CAPN14: variants seen among roughly 807,000 people sequenced by gnomAD.
The protein encoded by CAPN14 is calpain-14.
Under a neutral mutation model 101.3 loss-of-function variants are expected in CAPN14, and 94 were observed. The ratio of observed to expected loss-of-function variants is 0.93; its 90% CI spans 0.79 to 1.10. The LOEUF is 1.10. Ranked by LOEUF, CAPN14 falls within the 50% of genes least tolerant of loss-of-function variation. The pLI, the probability that CAPN14 is intolerant of heterozygous loss-of-function variation, is 0.00. For synonymous variants in CAPN14, 338 were observed against 317.9 expected (o/e 1.06, Z -0.67); for missense variants, 837 against 828.4 (o/e 1.01, Z -0.13).
intron 15 of CAPN14, among the ~76,000 whole-genome samples, chr2:31,187,069 A>T (rs1329211963): frequency 6.6e-6 from 1 of 152,188 alleles, no homozygotes; most frequent in Non-Finnish European, 1.5e-5. Context: ...GTAAATTGTG[A>T]CTTTAAATCA....
At chr2:31,218,583 T>C (rs1458946148), upstream of CAPN14, among the ~76,000 whole-genome samples, 1 of 152,234 alleles carries the variant, frequency 6.6e-6, no homozygotes, top group Non-Finnish European at 1.5e-5. Context: ...TGAGCACTTA[T>C]GACATGCCAA....
intron 2 of CAPN14, among the ~76,000 whole-genome samples, chr2:31,225,485 T>C (rs1250570701): frequency 6.6e-6 from 1 of 152,060 alleles, no homozygotes; most frequent in Non-Finnish European, 1.5e-5. Flanking sequence ...TCCCAATAAT[T>C]TCATTTATTA....
intron 1 of CAPN14, among the ~76,000 whole-genome samples, chr2:31,211,671 GCACA>G (rs34380519): frequency 0.057 from 8,579 of 149,410 alleles, 303 homozygotes; most frequent in African/African-American, 0.093. Context: ...GTGTGCATGT[GCACA>G]CACACACACA....
intron 6 of CAPN14, 45 bp downstream of exon 6, chr2:31,200,406 G>T: frequency 1.3e-6 from 2 of 1,500,644 alleles, no homozygotes; most frequent in Non-Finnish European, 1.8e-6. Context: ...GGAGGGCATG[G>T]GTGCAGGAGA....
intron 12 of CAPN14, 58 bp from the exon 13 acceptor site, chr2:31,189,536 G>C: frequency 7.3e-7 from 1 of 1,376,666 alleles, no homozygotes; most frequent in Non-Finnish European, 1.0e-6. Context: ...CTGTGGCCAG[G>C]CCTGAGGCCC....
intron 1 of CAPN14, among the ~76,000 whole-genome samples, chr2:31,212,319 A>AC (rs1300084636): frequency 3.2e-4 from 48 of 151,118 alleles, no homozygotes; most frequent in African/African-American, 1.0e-3. Flanking sequence ...AAACAAAAAA[A>AC]AAAAAAAACA....
chr2:31,204,599 A>G (rs904664851), intron 2 of CAPN14, among the ~76,000 whole-genome samples: 5 of 152,124 alleles, frequency 3.3e-5, no homozygotes, highest in Non-Finnish European at 7.4e-5. Context: ...TAAAGCCTCT[A>G]TAAAAACCCA....
intron 21 of CAPN14, among the ~76,000 whole-genome samples, chr2:31,175,345 AG>A (rs1680238426): frequency 2.0e-5 from 3 of 152,212 alleles, no homozygotes; most frequent in African/African-American, 4.8e-5. Flanking sequence ...CCTGTGGGGC[AG>A]CTGAGGCCCA....
In CAPN14 at chr2:31,177,769, A is replaced by G; in HGVS notation, c.1832T>C (p.Leu611Pro). The G allele has an allele frequency of 6.4e-7, 1 of 1,551,962 alleles. No individual in the cohort carries two copies. Residue 611 changes from leucine (L) to proline (P), a missense_variant, in exon 19 of 22, where the codon CTG (leucine) becomes CCG (proline). Coordinates refer to ENST00000403897, the MANE Select transcript of CAPN14 (RefSeq NM_001145122.2). The stretch of plus-strand genomic sequence containing the variant: ...ACCTGCCTCCCTCATGGCAGCGTGC[A>G]GCTGCTCCCAGTTCAGGTATCCTGA... The part of the protein sequence containing the change: ...RGSGYLNWEQ[L>P]HAAMREAGIM...
chr2:31,215,861 A>T (rs1050923137), intron 1 of CAPN14, among the ~76,000 whole-genome samples: 12 of 152,186 alleles, frequency 7.9e-5, no homozygotes, highest in African/African-American at 2.9e-4. Flanking sequence ...AAAAAAAAAA[A>T]AAAGAAACTA....
intron 9 of CAPN14, among the ~76,000 whole-genome samples, chr2:31,193,551 C>CT (rs1681317807): frequency 1.3e-5 from 2 of 152,162 alleles, no homozygotes. Flanking sequence ...ACATGGCTGA[C>CT]CGGGGGAGAT....
intron 13 of CAPN14, 30 bp downstream of exon 13, chr2:31,189,243 C>A (rs746706074): frequency 1.3e-6 from 2 of 1,544,218 alleles, no homozygotes; most frequent in South Asian, 2.4e-5. Context: ...AAGTGGTCCC[C>A]ACCCTCTAGG....
chr2:31,193,242 G>C lies in CAPN14; in HGVS notation c.1003C>G (p.Leu335Val). 1 of 1,551,792 alleles carries C rather than the reference G, an allele frequency of 6.4e-7. No individual in the cohort carries two copies. Among genetic ancestry groups the C allele is most frequent in the Non-Finnish European group, 8.7e-7 (1 of 1,147,018 alleles). The change falls in exon 10 of 22, where the codon CTG becomes GTG. Residue 335 changes from leucine (L) to valine (V), a missense_variant. Leu to Val is a conservative substitution (Grantham distance 32). Coordinates refer to ENST00000403897, the MANE Select transcript of CAPN14 (RefSeq NM_001145122.2). ...THFVLLVICK[L>V]TPGLLSQEAA... ...TCCTGGCTCAACAGGCCTGGGGTCA[G>C]TTTACAGATAACCAGGAGCACGAAA... is the stretch of plus-strand genomic sequence containing the variant.
rs555678430 is a variant in CAPN14, at chr2:31,188,189, T to A, written c.1530+129A>T. 5.4e-5 allele frequency: 44 copies of A among 812,348 alleles called. 1 individual carries two copies. Among genetic ancestry groups the A allele is most frequent in the South Asian group, 4.8e-4 (32 of 66,602 alleles). The allele number at this position is 812,348 out of a possible 1,614,324, so 50.3% of individuals were successfully genotyped here. A position where few individuals can be genotyped will look rare whatever the true frequency, so the allele number is the denominator to read the frequency against. ...TACTGTTAGGATACAACGGGTAATG[T>A]TTGCCATAGAACAGGGTCTGTAAGG... On this transcript the variant is annotated intron_variant, in intron 14 of 21. Transcript: ENST00000403897.
intron 2 of CAPN14, among the ~76,000 whole-genome samples, chr2:31,203,854 C>G (rs555169692): frequency 6.6e-6 from 1 of 152,178 alleles, no homozygotes; most frequent in African/African-American, 2.4e-5. Context: ...TTACCCTGTT[C>G]ACTAGCTGTG....
chr2:31,211,251 A>AGGGG (rs1412534079), intron 1 of CAPN14, among the ~76,000 whole-genome samples: 1 of 150,826 alleles, frequency 6.6e-6, no homozygotes, highest in Admixed American at 6.6e-5. Flanking sequence ...AGAGAAAGAG[A>AGGGG]GGGAGGGAGG....
chr2:31,222,156 A>G (rs1682879338), upstream of CAPN14, among the ~76,000 whole-genome samples: 1 of 152,144 alleles, frequency 6.6e-6, no homozygotes, highest in Non-Finnish European at 1.5e-5. Context: ...GTTGAAATGA[A>G]TTTTCCTCCT....
chr2:31,186,467 C>A lies in CAPN14; in HGVS notation c.1606G>T (p.Val536Phe). 1 of 1,548,906 alleles carries A rather than the reference C, an allele frequency of 6.5e-7. No homozygotes were observed. The highest frequency in any genetic ancestry group is 8.7e-7 in the Non-Finnish European group (1 of 1,145,994). Residue 536 changes from valine to phenylalanine, a missense_variant, in exon 16 of 22, where the codon GTT becomes TTT. Val to Phe is a conservative substitution (Grantham distance 50). Coordinates refer to ENST00000403897, the MANE Select transcript of CAPN14 (RefSeq NM_001145122.2). The stretch of plus-strand genomic sequence containing the variant: ...TGGTTCAGGAGGTTCTGAAGTTGAA[C>A]TGCATTAATCTCTGGATGCTAAATA... ...FFEKHPEINA[V>F]QLQNLLNQMT... is the part of the protein sequence containing the mutation.
upstream of CAPN14, among the ~76,000 whole-genome samples, chr2:31,222,213 C>T (rs1378139629): frequency 1.3e-5 from 2 of 152,128 alleles, no homozygotes. Context: ...GCATAAAAGA[C>T]CAAACTTCCC....
Sources: gnomAD v4.1 joint callset for allele counts (sites outside exome capture counted in the v4.1 genomes callset) on GRCh38, gnomAD v4.1.1 for gene constraint, MANE v1.5 for transcripts, NCBI Gene and HGNC (gene_info 2026-07-23, HGNC 2026-07-21) for gene names.